The following ADCY9 variants were observed in gnomAD, a reference collection of about 807,000 sequenced individuals.
ADCY9 encodes adenylate cyclase 9.
Under a neutral mutation model 101.5 loss-of-function variants are expected in ADCY9, and 50 were observed. The observed-to-expected ratio is 0.49, with a 90% CI of 0.39 to 0.62. The LOEUF is 0.62. ADCY9 is among the 20% of genes least tolerant of loss of function. The pLI is 0.00. For missense variants in ADCY9, 1,662 were observed against 1,800.4 expected, an observed-to-expected ratio of 0.92 and a Z score of 1.39; for synonymous variants, 905 against 769.3, an observed-to-expected ratio of 1.18 and a Z score of -2.92.
intron 2 of ADCY9, among the ~76,000 whole-genome samples, chr16:4,052,524 G>C (rs1016879531): frequency 5.3e-5 from 8 of 152,210 alleles, no homozygotes; most frequent in African/African-American, 1.2e-4. Context: ...TGGGTGAAGA[G>C]TATTTGGGAA....
At chr16:4,048,884 C>A (rs755264952) in intron 2 of ADCY9, among the ~76,000 whole-genome samples, 5 of 152,090 alleles carry the variant, frequency 3.3e-5, no homozygotes, top group African/African-American at 7.2e-5. Flanking sequence ...AGGAGAAGAG[C>A]CAGGAATGTC....
Position 3,983,382 on chromosome 16 carries a change from T to C in ADCY9, c.2369A>G (p.Asp790Gly). 6.2e-7 allele frequency: 1 copy of C among 1,608,002 alleles called. No homozygotes were observed. Among genetic ancestry groups the C allele is most frequent in the Non-Finnish European group, 8.5e-7 (1 of 1,176,936 alleles). ...AAACACTGTGGTCGACAGAAACACA[T>C]CCAGGAGGGAGCTGAAGGTGGGACT... ...FASPTFSSLLDVFLSTTVFLT... is the reference protein window; with the variant it reads ...FASPTFSSLLGVFLSTTVFLT... Residue 790 changes from aspartate (D) to glycine (G), a missense_variant, in exon 7 of 11, where the codon GAT (aspartate) becomes GGT (glycine). By Grantham distance (94) the Asp-to-Gly change is moderately conservative. Transcript: ENST00000294016.
In ADCY9 at chr16:3,965,333, G is replaced by C. The variant is rs1255554785; in HGVS notation, c.*442C>G. On this transcript the variant is annotated 3_prime_UTR_variant, in exon 11 of 11. Coordinates refer to ENST00000294016, the MANE Select transcript of ADCY9 (RefSeq NM_001116.4). ...GTAGAGGAACACTGTGACATAGACA[G>C]AAACAAAATAAACTCAAAAACAGGG... 5.1e-6 allele frequency: 1 copy of C among 196,468 alleles called. No homozygotes were observed. Among genetic ancestry groups the C allele is most frequent in the Non-Finnish European group, 1.1e-5 (1 of 95,216 alleles). 12.2% of individuals were successfully genotyped at this position (196,468 alleles called of 1,614,324 possible).
chr16:3,961,801 G>A (rs1221545994), downstream of ADCY9, among the ~76,000 whole-genome samples: 7 of 152,164 alleles, frequency 4.6e-5, no homozygotes, highest in South Asian at 2.1e-4. Context: ...TGAGGCGCAC[G>A]GATCACTTGA....
intron 6 of ADCY9, among the ~76,000 whole-genome samples, chr16:3,987,147 C>T (rs907373109): frequency 2.6e-5 from 4 of 152,224 alleles, no homozygotes; most frequent in Non-Finnish European, 5.9e-5. Context: ...GAGGCAGGCT[C>T]AGGAGTTCCC....
chr16:4,087,261 A>G (rs11647570), intron 2 of ADCY9, among the ~76,000 whole-genome samples: 29,191 of 151,788 alleles, frequency 0.19, 4,388 homozygotes, highest in African/African-American at 0.42. Flanking sequence ...AAGGCCGGGC[A>G]CGGTGGCTCA....
intron 2 of ADCY9, among the ~76,000 whole-genome samples, chr16:4,099,445 A>G (rs1490806964): frequency 6.6e-6 from 1 of 152,234 alleles, no homozygotes; most frequent in Admixed American, 6.5e-5. Context: ...TTTCTTTTCA[A>G]AAAAGATGAG....
chr16:4,006,665 T>G (rs1418205344), intron 3 of ADCY9, among the ~76,000 whole-genome samples: 1 of 152,156 alleles, frequency 6.6e-6, no homozygotes, highest in Non-Finnish European at 1.5e-5. Flanking sequence ...CAGTAGATGT[T>G]TAAACTATAA....
chr16:4,037,386 C>G (rs904869788), intron 2 of ADCY9, among the ~76,000 whole-genome samples: 1 of 152,114 alleles, frequency 6.6e-6, no homozygotes, highest in Non-Finnish European at 1.5e-5. Context: ...TTGTAAATAA[C>G]AGGGTTTTGT....
At chr16:3,990,972 G>A (rs1247013109) in intron 5 of ADCY9, among the ~76,000 whole-genome samples, 1 of 152,154 alleles carries the variant, frequency 6.6e-6, no homozygotes, top group Non-Finnish European at 1.5e-5. Flanking sequence ...GCTAATTTTT[G>A]TACTTTTAGT....
intron 7 of ADCY9, chr16:3,982,744 A>T (rs2056154702): frequency 6.3e-6 from 1 of 159,428 alleles, no homozygotes; most frequent in South Asian, 2.0e-4. Flanking sequence ...TTGTAGCGCA[A>T]CAGCTTAACT....
chr16:4,054,124 G>A (rs755554505), intron 2 of ADCY9: 9 of 152,072 alleles, frequency 5.9e-5, no homozygotes, highest in African/African-American at 1.2e-4. Flanking sequence ...CAGGATTAGC[G>A]TCTGTTTTGT....
At chr16:3,980,275 TG>T (rs370725663) in intron 7 of ADCY9, among the ~76,000 whole-genome samples, 1 of 70,746 alleles carries the variant, frequency 1.4e-5, no homozygotes, top group Non-Finnish European at 4.1e-5. Context: ...AGTGTGATGT[TG>T]ACACAATAAA....
At chr16:3,953,531 A>G (rs1438790442) in intron 5 of ADCY9, 1 of 152,160 alleles carries the variant, frequency 6.6e-6, no homozygotes, top group Non-Finnish European at 1.5e-5. Flanking sequence ...AAAAGAGAAG[A>G]TGGGAAAATG....
At chr16:4,069,899 C>T (rs1432483884) in intron 2 of ADCY9, among the ~76,000 whole-genome samples, 1 of 152,064 alleles carries the variant, frequency 6.6e-6, no homozygotes, top group Non-Finnish European at 1.5e-5. Context: ...AGTTTGAGAC[C>T]AGTCTGCCCA....
At chr16:4,031,831 C>T (rs1187278012) in intron 2 of ADCY9, among the ~76,000 whole-genome samples, 4 of 152,038 alleles carry the variant, frequency 2.6e-5, no homozygotes, top group African/African-American at 4.8e-5. Flanking sequence ...GAGCCATCAT[C>T]GTGCCACTAC....
chr16:3,953,892 C>T (rs933458670), intron 5 of ADCY9, among the ~76,000 whole-genome samples: 1 of 152,200 alleles, frequency 6.6e-6, no homozygotes, highest in South Asian at 2.1e-4. Context: ...GTCAGAGCCG[C>T]GTCACAGCTC....
chr16:4,101,217 T>C (rs1003196844), intron 2 of ADCY9, among the ~76,000 whole-genome samples: 10 of 152,004 alleles, frequency 6.6e-5, no homozygotes, highest in African/African-American at 2.4e-4. Flanking sequence ...ATCTATAAAA[T>C]AGAGATCATC....
At chr16:4,091,456 G>T (rs1186394014) in intron 2 of ADCY9, among the ~76,000 whole-genome samples, 1 of 152,140 alleles carries the variant, frequency 6.6e-6, no homozygotes, top group East Asian at 1.9e-4. Flanking sequence ...CCATGCCCAG[G>T]TATGTGCCCC....
Sources: allele counts gnomAD v4.1 joint callset (sites outside exome capture counted in the v4.1 genomes callset), GRCh38; gene constraint gnomAD v4.1.1; transcripts MANE v1.5; gene names NCBI Gene and HGNC (gene_info 2026-07-23, HGNC 2026-07-21).